TMEM131: variants seen among roughly 807,000 people sequenced by gnomAD.
The protein encoded by TMEM131 is transmembrane protein 131, also known as 2610524E03Rik.
In TMEM131, 66 loss-of-function variants were observed where a neutral mutation model predicts 211.6. The observed-to-expected ratio is 0.31, with a 90% CI of 0.26 to 0.38. The LOEUF is 0.38. TMEM131 is among the 10% of genes least tolerant of loss of function. The pLI, the probability that TMEM131 is intolerant of heterozygous loss-of-function variation, is 1.00. For synonymous variants in TMEM131, 844 were observed against 841.3 expected, an observed-to-expected ratio of 1.00 and a Z score of -0.06; for missense variants, 2,036 against 2,299.3, an observed-to-expected ratio of 0.89 and a Z score of 2.34.
chr2:97,762,126 G>C lies in TMEM131; in HGVS notation c.4798C>G (p.Pro1600Ala), dbSNP rs770369939. 13 of 1,613,568 alleles carry C rather than the reference G, an allele frequency of 8.1e-6. No homozygotes were observed. In the South Asian group the frequency reaches 1.3e-4, roughly 16 times the overall value. The part of the protein sequence containing the change: ...DIFLKQRQTS[P>A]TPASPSPPAA... ...GGGGGAGACGGGGAAGCAGGTGTCGGTGAGGTCTGGCGTTGTTTTAAGAAA... is the reference window on the plus strand; with the variant it reads ...GGGGGAGACGGGGAAGCAGGTGTCGCTGAGGTCTGGCGTTGTTTTAAGAAA... Residue 1600 changes from proline to alanine, a missense_variant, in exon 36 of 41, where the codon CCG becomes GCG. This residue lies in a region of TMEM131 where 1,623 missense variants were observed against 1,805.9 expected (regional missense o/e 0.90). Transcript: ENST00000186436.
chr2:97,768,135 TAGTA>T (rs1423665754), intron 33 of TMEM131, among the ~76,000 whole-genome samples: 2 of 152,242 alleles, frequency 1.3e-5, no homozygotes, highest in South Asian at 2.1e-4. Flanking sequence ...TATCTGGAAT[TAGTA>T]AGAGAGCAAA....
rs1308201908 is a variant in TMEM131, at chr2:97,818,465, G to T, written c.1183+148C>A. 2.8e-5 allele frequency: 9 copies of T among 327,092 alleles called. 2 individuals are homozygous for T. In the African/African-American group the frequency reaches 3.4e-4, roughly 12 times the overall value. The allele number at this position is 327,092 out of a possible 1,614,324, so 20.3% of individuals were successfully genotyped here. On this transcript the variant is annotated intron_variant, in intron 12 of 40. Coordinates refer to ENST00000186436, the MANE Select transcript of TMEM131 (RefSeq NM_015348.2). ...TAAGAGTTCATGATGGTTTACAGCG[G>T]GGGGGGGCGGGGGGGGATCAACCTA...
At chr2:97,857,062 T>C (rs188941486) in intron 5 of TMEM131, among the ~76,000 whole-genome samples, 9 of 152,380 alleles carry the variant, frequency 5.9e-5, no homozygotes, top group Admixed American at 3.9e-4. Flanking sequence ...AACATTCATA[T>C]ATAGAAATAG....
chr2:97,801,050 A>G (rs563881818), intron 25 of TMEM131, among the ~76,000 whole-genome samples: 1 of 152,382 alleles, frequency 6.6e-6, no homozygotes, highest in South Asian at 2.1e-4. Flanking sequence ...TTGGGCTAAT[A>G]TATGCCTTAC....
chr2:97,972,294 C>A (rs1679331600), intron 1 of TMEM131, among the ~76,000 whole-genome samples: 1 of 152,038 alleles, frequency 6.6e-6, no homozygotes, highest in Non-Finnish European at 1.5e-5. Context: ...AATAATCAGT[C>A]CAAAACTGAA....
At chr2:97,949,527 A>T (rs534588410) in intron 1 of TMEM131, among the ~76,000 whole-genome samples, 12 of 152,188 alleles carry the variant, frequency 7.9e-5, no homozygotes, top group Non-Finnish European at 1.6e-4. Context: ...GTTTATTAAA[A>T]GTCAAGGCCA....
chr2:97,781,070 C>T (rs1307694059), intron 31 of TMEM131, among the ~76,000 whole-genome samples: 5 of 152,196 alleles, frequency 3.3e-5, no homozygotes, highest in Admixed American at 6.5e-5. Flanking sequence ...TGCAATCATT[C>T]GGGTCTGTCT....
rs1413763271 is a variant in TMEM131 at position 97,756,613 on chromosome 2, C to T, written c.*486G>A. 1 of 152,380 alleles carries T rather than the reference C, an allele frequency of 6.6e-6. No individual in the cohort carries two copies. Among genetic ancestry groups the T allele is most frequent in the Admixed American group, 6.5e-5 (1 of 15,278 alleles). 9.4% of individuals were successfully genotyped at this position (152,380 alleles called of 1,614,324 possible). ...GACAGCCTTACTTTAAAAAAATACT[C>T]TATTTTCAGCACAAAGTCCTCATAC... On this transcript the variant is annotated 3_prime_UTR_variant, in exon 41 of 41. Transcript: ENST00000186436.
intron 5 of TMEM131, among the ~76,000 whole-genome samples, chr2:97,853,129 CA>C (rs902749770): frequency 6.6e-6 from 1 of 152,218 alleles, no homozygotes; most frequent in Non-Finnish European, 1.5e-5. Flanking sequence ...ACTGCTAACA[CA>C]ACATCCATTC....
intron 30 of TMEM131, 48 bp downstream of exon 30, chr2:97,793,347 G>A: frequency 6.5e-7 from 1 of 1,528,988 alleles, no homozygotes; most frequent in African/African-American, 1.4e-5. Context: ...AATTTTATCA[G>A]CCAAATCTAT....
intron 11 of TMEM131, chr2:97,827,218 C>T: frequency 1.4e-6 from 1 of 736,782 alleles, no homozygotes; most frequent in South Asian, 1.4e-5. Context: ...GGCCCGCAGG[C>T]ACCTGGCACG....
intron 4 of TMEM131, among the ~76,000 whole-genome samples, chr2:97,868,879 C>G (rs754655649): frequency 5.3e-5 from 8 of 152,094 alleles, no homozygotes; most frequent in South Asian, 2.1e-4. Context: ...CTCATCAATC[C>G]CAGGTGGGGT....
intron 1 of TMEM131, among the ~76,000 whole-genome samples, chr2:97,935,571 C>T (rs1573580217): frequency 1.3e-5 from 2 of 151,998 alleles, no homozygotes; most frequent in East Asian, 3.9e-4. Context: ...ATTTCAGGAC[C>T]TACATGCCAT....
At position 97,822,001 on chromosome 2, in the gene TMEM131, A is replaced by C. The variant is rs1018116431; in HGVS notation, c.1075-3280T>G. 3.9e-5 allele frequency among the ~76,000 whole-genome samples: 6 copies of C among 152,138 alleles called. No homozygotes were observed. The South Asian group carries it at 1.0e-3, about 26-fold the overall frequency. On this transcript the variant is annotated intron_variant, in intron 11 of 40. Coordinates refer to ENST00000186436, the MANE Select transcript of TMEM131 (RefSeq NM_015348.2). ...GGCCATGAGCGGAATTCTCAAAGTT[A>C]TGTTGCCCAAGCGAGACTTGCCTAT...
chr2:97,798,641 T>C (rs963062267), intron 25 of TMEM131, among the ~76,000 whole-genome samples: 2 of 152,270 alleles, frequency 1.3e-5, no homozygotes, highest in Non-Finnish European at 2.9e-5. Context: ...CACTGTGGAA[T>C]GTGCCTACAA....
intron 11 of TMEM131, among the ~76,000 whole-genome samples, chr2:97,832,795 C>T (rs1398615527): frequency 6.6e-6 from 1 of 152,160 alleles, no homozygotes; most frequent in African/African-American, 2.4e-5. Context: ...TATCTAACGG[C>T]ACCTCAATTC....
chr2:97,796,286 A>T lies in TMEM131; in HGVS notation c.3132T>A (p.Tyr1044Ter). The T allele has an allele frequency of 6.4e-7, 1 of 1,573,764 alleles. No homozygotes were observed. Among genetic ancestry groups the T allele is most frequent in the South Asian group, 1.2e-5 (1 of 85,454 alleles). ...CTTGACAATTAACAACTTTAAAGCC[A>T]TATCCTTCACATGAGTATCCACTGA... ...IEISGYSCEG[Y>*]GFKVVNCQEF... The change falls in exon 28 of 41, where the codon TAT becomes TAA. Residue 1044 changes from tyrosine (Y) to a stop codon, truncating the protein, a stop_gained. Transcript: ENST00000186436. LOFTEE classifies it high-confidence loss of function.
chr2:97,995,860 C>T lies in TMEM131; in HGVS notation c.-198G>A. ...CGAGAGTGTCAGTCACGGTCTTTGCCTGGGCATCGCCTACAAGCAGTCGGA... is the reference window on the plus strand; with the variant it reads ...CGAGAGTGTCAGTCACGGTCTTTGCTTGGGCATCGCCTACAAGCAGTCGGA... On this transcript the variant is annotated 5_prime_UTR_variant, in exon 1 of 41. Coordinates refer to ENST00000186436, the MANE Select transcript of TMEM131 (RefSeq NM_015348.2). The T allele has an allele frequency of 3.7e-6, 1 of 271,608 alleles. No individual in the cohort carries two copies. Among genetic ancestry groups the T allele is most frequent in the Non-Finnish European group, 6.6e-6 (1 of 152,328 alleles). The allele number at this position is 271,608 out of a possible 1,614,324, so 16.8% of individuals were successfully genotyped here.
chr2:97,777,734 C>G (rs1157468993), intron 31 of TMEM131, among the ~76,000 whole-genome samples: 2 of 152,172 alleles, frequency 1.3e-5, no homozygotes, highest in Non-Finnish European at 2.9e-5. Context: ...CATCTCGTTT[C>G]AAGCATAGGA....
Sources: gnomAD v4.1 joint callset for allele counts (sites outside exome capture counted in the v4.1 genomes callset) on GRCh38, gnomAD v4.1.1 for gene constraint, gnomAD v4.1.1 regional missense constraint, MANE v1.5 for transcripts, NCBI Gene and HGNC (gene_info 2026-07-23, HGNC 2026-07-21) for gene names.